Variants in ACVR2A observed in about 807,000 individuals in gnomAD.
ACVR2A encodes activin receptor type-2A.
ACVR2A carries 7 observed loss-of-function variants against 61.4 expected under a neutral mutation model. The ratio of observed to expected loss-of-function variants is 0.11; its 90% CI spans 0.06 to 0.21. The LOEUF is 0.21. Among genes scored for constraint, ACVR2A ranks in the 10% least tolerant of loss-of-function variants. ACVR2A has a pLI of 1.00. For missense variants in ACVR2A, 322 were observed against 621.7 expected (o/e 0.52, Z 5.13); for synonymous variants, 193 against 208.3 (o/e 0.93, Z 0.63).
At chr2:147,847,428 G>A (rs533803733) in intron 1 of ACVR2A, among the ~76,000 whole-genome samples, 3 of 152,208 alleles carry the variant, frequency 2.0e-5, no homozygotes, top group African/African-American at 7.2e-5. Context: ...CTGACATGTT[G>A]GAAGCATGAG....
At chr2:147,907,867 C>T (rs1485444514) in intron 4 of ACVR2A, among the ~76,000 whole-genome samples, 5 of 151,514 alleles carry the variant, frequency 3.3e-5, no homozygotes, top group Admixed American at 2.6e-4. Context: ...GGGGAAACCC[C>T]ATCTCTACTA....
chr2:147,927,036 C>A, intron 10 of ACVR2A, 44 bp from the exon 11 acceptor site: 1 of 1,563,546 alleles, frequency 6.4e-7, no homozygotes, highest in Non-Finnish European at 8.6e-7. Context: ...TAATAGAAAA[C>A]AAAAACTGCT....
intron 2 of ACVR2A, chr2:147,896,781 G>C: frequency 3.6e-6 from 1 of 276,458 alleles, no homozygotes; most frequent in Non-Finnish European, 6.8e-6. Context: ...ATATTGTTAC[G>C]ATTATAAACT....
At chr2:147,897,765 A>G (rs927486933) in intron 2 of ACVR2A, among the ~76,000 whole-genome samples, 13 of 152,280 alleles carry the variant, frequency 8.5e-5, no homozygotes, top group African/African-American at 3.1e-4. Context: ...ATTTAGATAT[A>G]TATTTCGTAT....
chr2:147,845,486 A>G (rs1685287173), intron 1 of ACVR2A, among the ~76,000 whole-genome samples: 2 of 152,024 alleles, frequency 1.3e-5, no homozygotes, highest in South Asian at 4.1e-4. Context: ...TTGTGGCCAT[A>G]ACACTGGATG....
At chr2:147,881,188 A>G (rs780629728) in intron 1 of ACVR2A, among the ~76,000 whole-genome samples, 14 of 152,178 alleles carry the variant, frequency 9.2e-5, no homozygotes, top group Non-Finnish European at 1.5e-4. Context: ...CAGTTGAATG[A>G]TAAATCCGAA....
intron 1 of ACVR2A, among the ~76,000 whole-genome samples, chr2:147,875,802 A>G (rs190362601): frequency 1.6e-4 from 25 of 152,266 alleles, no homozygotes; most frequent in African/African-American, 5.5e-4. Flanking sequence ...CACAGATGTC[A>G]GATAAAGGGA....
chr2:147,892,599 G>A (rs999849462), intron 1 of ACVR2A, among the ~76,000 whole-genome samples: 3 of 151,514 alleles, frequency 2.0e-5, no homozygotes, highest in Non-Finnish European at 2.9e-5. Context: ...TCCATTATGT[G>A]TTAGTAAAGA....
At chr2:147,867,909 G>T (rs1374976318) in intron 1 of ACVR2A, among the ~76,000 whole-genome samples, 2 of 152,000 alleles carry the variant, frequency 1.3e-5, no homozygotes, top group Non-Finnish European at 2.9e-5. Context: ...TCTACACTCC[G>T]CTGATTTTGT....
chr2:147,857,093 T>G (rs1395970227), intron 1 of ACVR2A, among the ~76,000 whole-genome samples: 1 of 152,150 alleles, frequency 6.6e-6, no homozygotes, highest in Non-Finnish European at 1.5e-5. Context: ...TTAGGAAGAA[T>G]AAACTACTCA....
At chr2:147,846,007 G>A (rs1180372741) in intron 1 of ACVR2A, among the ~76,000 whole-genome samples, 4 of 152,154 alleles carry the variant, frequency 2.6e-5, no homozygotes, top group Non-Finnish European at 5.9e-5. Flanking sequence ...ATAGGTTTTA[G>A]CTCAAGGTTG....
chr2:147,922,100 A>G (rs1410520496), intron 8 of ACVR2A, among the ~76,000 whole-genome samples: 1 of 152,122 alleles, frequency 6.6e-6, no homozygotes. Context: ...ACATTCACTG[A>G]TAGCACAATT....
chr2:147,904,780 C>A (rs1686948170), intron 4 of ACVR2A, among the ~76,000 whole-genome samples: 1 of 151,902 alleles, frequency 6.6e-6, no homozygotes, highest in African/African-American at 2.4e-5. Flanking sequence ...TAATAAGAAT[C>A]TGAAAGGGTA....
intron 9 of ACVR2A, among the ~76,000 whole-genome samples, chr2:147,925,457 C>T (rs569164922): frequency 5.3e-5 from 8 of 151,642 alleles, no homozygotes; most frequent in African/African-American, 1.9e-4. Flanking sequence ...TTGTTGGGAC[C>T]CCTAGTTGGA....
intron 1 of ACVR2A, among the ~76,000 whole-genome samples, chr2:147,868,796 A>AT (rs958063001): frequency 2.0e-5 from 3 of 151,628 alleles, no homozygotes; most frequent in African/African-American, 7.3e-5. Context: ...CACCTGGCTA[A>AT]TTTTTTAATT....
intron 4 of ACVR2A, among the ~76,000 whole-genome samples, chr2:147,904,876 TTGAG>T (rs1686950992): frequency 6.6e-6 from 1 of 152,076 alleles, no homozygotes; most frequent in African/African-American, 2.4e-5. Context: ...ACTAAATTTA[TTGAG>T]TATTTAATAT....
At chr2:147,871,515 A>G (rs1223396748) in intron 1 of ACVR2A, among the ~76,000 whole-genome samples, 2 of 152,130 alleles carry the variant, frequency 1.3e-5, no homozygotes, top group African/African-American at 4.8e-5. Context: ...TTACGTAGGT[A>G]TGTATAAAAT....
chr2:147,867,243 T>C (rs1239704789), intron 1 of ACVR2A, among the ~76,000 whole-genome samples: 1 of 152,136 alleles, frequency 6.6e-6, no homozygotes, highest in East Asian at 1.9e-4. Flanking sequence ...TCAGCTGTGG[T>C]CTATTACTTT....
intron 1 of ACVR2A, among the ~76,000 whole-genome samples, chr2:147,859,198 T>C (rs1056189416): frequency 1.3e-5 from 2 of 152,156 alleles, no homozygotes; most frequent in African/African-American, 2.4e-5. Flanking sequence ...AAAATAGATT[T>C]AGTATTCCTT....
Sources: gnomAD v4.1 joint callset for allele counts (sites outside exome capture counted in the v4.1 genomes callset) on GRCh38, gnomAD v4.1.1 for gene constraint, MANE v1.5 for transcripts, NCBI Gene and HGNC (gene_info 2026-07-23, HGNC 2026-07-21) for gene names.